Variants in IFT88 observed in about 807,000 individuals in gnomAD.
IFT88 encodes the protein intraflagellar transport protein 88 homolog.
A neutral mutation model predicts 119.5 loss-of-function variants in IFT88; 74 were observed. The observed-to-expected ratio is 0.62, with a 90% CI of 0.51 to 0.75. IFT88 has a LOEUF of 0.75. IFT88 is among the 30% of genes least tolerant of loss of function. The pLI, the probability that IFT88 is intolerant of heterozygous loss-of-function variation, is 0.00. For missense variants in IFT88, 961 were observed against 977.7 expected (o/e 0.98, Z 0.23); for synonymous variants, 279 against 316.7 (o/e 0.88, Z 1.26).
At chr13:20,688,970 T>G (rs1188547452) in intron 24 of IFT88, among the ~76,000 whole-genome samples, 3 of 152,236 alleles carry the variant, frequency 2.0e-5, no homozygotes, top group African/African-American at 7.2e-5. Flanking sequence ...AATCTCACCC[T>G]GTAGCCCAGG....
intron 24 of IFT88, among the ~76,000 whole-genome samples, chr13:20,672,486 C>T (rs952177201): frequency 3.3e-5 from 5 of 152,140 alleles, no homozygotes; most frequent in African/African-American, 1.2e-4. Flanking sequence ...CCTTGCTCTT[C>T]CCTAGCCCCA....
At chr13:20,583,761 G>A (rs989195395) in intron 3 of IFT88, among the ~76,000 whole-genome samples, 4 of 151,984 alleles carry the variant, frequency 2.6e-5, no homozygotes, top group South Asian at 2.1e-4. Context: ...GTAGTTTTAG[G>A]TCTTACCTTT....
intron 12 of IFT88, among the ~76,000 whole-genome samples, chr13:20,604,258 CA>C (rs898195192): frequency 1.9e-4 from 28 of 151,266 alleles, no homozygotes; most frequent in Non-Finnish European, 3.5e-4. Context: ...ACTAACCAAA[CA>C]AAAAAAATGT....
chr13:20,592,283 T>C, intron 6 of IFT88, 52 bp from the exon 7 acceptor site: 1 of 1,350,976 alleles, frequency 7.4e-7, no homozygotes, highest in Admixed American at 1.9e-5. Flanking sequence ...TCATATATTC[T>C]TCGATTTTGC....
chr13:20,648,254 G>T (rs1023491075), intron 20 of IFT88, among the ~76,000 whole-genome samples: 2 of 152,120 alleles, frequency 1.3e-5, no homozygotes, highest in African/African-American at 4.8e-5. Flanking sequence ...AAATTAGCTG[G>T]GTGTGGTGGC....
chr13:20,602,066 G>A, intron 12 of IFT88, 133 bp downstream of exon 12: 1 of 599,700 alleles, frequency 1.7e-6, no homozygotes, highest in Middle Eastern at 3.5e-4. Flanking sequence ...TATTATTGAT[G>A]TATTTCATTT....
chr13:20,617,633 C>G (rs902350174), intron 14 of IFT88, among the ~76,000 whole-genome samples: 1 of 152,092 alleles, frequency 6.6e-6, no homozygotes, highest in Non-Finnish European at 1.5e-5. Flanking sequence ...TCTGCTAATA[C>G]GTAAAAACTC....
At chr13:20,567,937 C>T (rs1593561224) in intron 1 of IFT88, 1 of 695,050 alleles carries the variant, frequency 1.4e-6, no homozygotes, top group African/African-American at 1.8e-5. Context: ...TCTTTGGCTT[C>T]CCTGGGCCAC....
At chr13:20,618,091 T>C (rs2045923651) in intron 14 of IFT88, among the ~76,000 whole-genome samples, 1 of 152,142 alleles carries the variant, frequency 6.6e-6, no homozygotes, top group African/African-American at 2.4e-5. Flanking sequence ...AGCTAATTTT[T>C]TTGTATTTTT....
intron 14 of IFT88, among the ~76,000 whole-genome samples, chr13:20,621,717 T>TA (rs1477666807): frequency 6.6e-6 from 1 of 152,146 alleles, no homozygotes; most frequent in Admixed American, 6.5e-5. Context: ...GTACATTTGT[T>TA]ACAATCAATG....
At chr13:20,680,905 C>G (rs964770091) in intron 24 of IFT88, among the ~76,000 whole-genome samples, 4 of 152,184 alleles carry the variant, frequency 2.6e-5, no homozygotes, top group Non-Finnish European at 4.4e-5. Flanking sequence ...CCGCTTCTAT[C>G]TTTGCAGCTG....
At chr13:20,654,779 A>G (rs1594681089) in intron 21 of IFT88, among the ~76,000 whole-genome samples, 2 of 152,330 alleles carry the variant, frequency 1.3e-5, no homozygotes, top group East Asian at 3.9e-4. Flanking sequence ...ACTATACTAT[A>G]TACATTCAAT....
intron 14 of IFT88, among the ~76,000 whole-genome samples, chr13:20,618,882 G>A (rs2046065575): frequency 7.0e-6 from 1 of 143,796 alleles, no homozygotes; most frequent in Non-Finnish European, 1.5e-5. Flanking sequence ...TTGAGATGGA[G>A]TCTCACTCTT....
At chr13:20,651,434 G>A (rs1178803916) in intron 20 of IFT88, among the ~76,000 whole-genome samples, 2 of 145,822 alleles carry the variant, frequency 1.4e-5, no homozygotes, top group Non-Finnish European at 3.0e-5. Flanking sequence ...ACACATGTTT[G>A]TGTAAGTATC....
At chr13:20,688,427 A>T (rs1226224155) in intron 24 of IFT88, among the ~76,000 whole-genome samples, 2 of 152,206 alleles carry the variant, frequency 1.3e-5, no homozygotes. Context: ...TCTTTTGATA[A>T]TTCCTAACCA....
At chr13:20,617,229 T>G (rs1489498645) in intron 14 of IFT88, among the ~76,000 whole-genome samples, 7 of 152,252 alleles carry the variant, frequency 4.6e-5, no homozygotes, top group Non-Finnish European at 8.8e-5. Context: ...CATTGCACAA[T>G]TTGCTAGTGT....
chr13:20,672,679 T>C (rs1047828770), intron 24 of IFT88, among the ~76,000 whole-genome samples: 1 of 152,178 alleles, frequency 6.6e-6, no homozygotes, highest in African/African-American at 2.4e-5. Context: ...GAAAGCAAGA[T>C]GTATTAGCCA....
chr13:20,591,524 T>C lies in IFT88; in HGVS notation c.265-94T>C, dbSNP rs145039013. 3 of 842,508 alleles carry C rather than the reference T, an allele frequency of 3.6e-6. No homozygotes were observed. In the Admixed American group the frequency reaches 8.4e-5, roughly 24 times the overall value. The allele number at this position is 842,508 out of a possible 1,614,324, so 52.2% of individuals were successfully genotyped here. ...TAGTGATTGAAAATCAGCATTTTTT[T>C]AAATAGGGCTATATTAAGGTGTGTG... On this transcript the variant is annotated intron_variant, in intron 5 of 25. Transcript: ENST00000351808.
chr13:20,690,157 G>A (rs1006896028), intron 24 of IFT88, among the ~76,000 whole-genome samples: 1 of 152,160 alleles, frequency 6.6e-6, no homozygotes, highest in African/African-American at 2.4e-5. Context: ...GTGTTTATCA[G>A]TGGACTACTC....
Sources: allele counts gnomAD v4.1 joint callset (sites outside exome capture counted in the v4.1 genomes callset), GRCh38; gene constraint gnomAD v4.1.1; transcripts MANE v1.5; gene names NCBI Gene and HGNC (gene_info 2026-07-23, HGNC 2026-07-21).